PDP1: variants seen among roughly 807,000 people sequenced by gnomAD.
The protein encoded by PDP1 is pyruvate dehyrogenase phosphatase catalytic subunit 1.
Under a neutral mutation model 37.1 loss-of-function variants are expected in PDP1, and 14 were observed. The observed-to-expected ratio is 0.38, with a 90% CI of 0.25 to 0.59. The LOEUF (loss-of-function observed/expected upper bound fraction) is 0.59, where lower values mean the gene tolerates loss of function less well. Ranked by LOEUF, PDP1 falls within the 20% of genes least tolerant of loss-of-function variation. The pLI, the probability that PDP1 is intolerant of heterozygous loss-of-function variation, is 0.67. For missense variants in PDP1, 544 were observed against 655.3 expected, an observed-to-expected ratio of 0.83 and a Z score of 1.85; for synonymous variants, 251 against 243.3, an observed-to-expected ratio of 1.03 and a Z score of -0.29.
Position 93,924,050 on chromosome 8 carries a change from TCACA to T in PDP1, c.*379_*382del. 1 of 265,154 alleles carries T rather than the reference TCACA, an allele frequency of 3.8e-6. No individual in the cohort carries two copies. Among genetic ancestry groups the T allele is most frequent in the Non-Finnish European group, 7.9e-6 (1 of 126,850 alleles). The allele number at this position is 265,154 out of a possible 1,614,324, so 16.4% of individuals were successfully genotyped here. ...GGTTAAAGTGAAGAAACAGTACTGT[TCACA>T]CCTTTCTTCACTGAGATTCCAGTGT... On this transcript the variant is annotated 3_prime_UTR_variant, in exon 2 of 2. Transcript: ENST00000297598.
intron 1 of PDP1, among the ~76,000 whole-genome samples, chr8:93,919,621 C>T (rs961657059): frequency 2.0e-5 from 3 of 151,610 alleles, no homozygotes; most frequent in Admixed American, 6.6e-5. Flanking sequence ...CCCTCCCCCC[C>T]ACACAAATAG....
rs746369671 is a variant in PDP1, at chr8:93,923,638, T to C, written c.1579T>C (p.Ser527Pro). 1.2e-6 allele frequency: 2 copies of C among 1,614,050 alleles called. No individual in the cohort carries two copies. The highest frequency in any genetic ancestry group is 1.7e-6 in the Non-Finnish European group (2 of 1,179,996). ...TACAATCATTGTAGTTCAGTTCAAT[T>C]CTCATGTTGTAGGGGCGTATCAAAA... ...DITIIVVQFN[S>P]HVVGAYQNQE The change falls in exon 2 of 2, where the codon TCT becomes CCT. Residue 527 changes from serine to proline, a missense_variant. Ser to Pro is a moderately conservative substitution (Grantham distance 74, BLOSUM62 -1). Coordinates refer to ENST00000297598, the MANE Select transcript of PDP1 (RefSeq NM_018444.4). The surrounding 1 kb of genome is among the most constrained non-coding windows in gnomAD (Gnocchi z 4.3).
Position 93,922,248 on chromosome 8 carries a change from G to T in PDP1, c.189G>T (p.Trp63Cys). 1 of 1,614,192 alleles carries T rather than the reference G, an allele frequency of 6.2e-7. No individual in the cohort carries two copies. The highest frequency in any genetic ancestry group is 2.2e-5 in the East Asian group (1 of 44,884). The change falls in exon 2 of 2, where the codon TGG (tryptophan) becomes TGT (cysteine). Residue 63 changes from tryptophan (W) to cysteine (C), a missense_variant. Trp to Cys is a radical substitution (Grantham distance 215). Around this residue, in one of 5 missense-constraint regions of PDP1, gnomAD observed 342 missense variants for 414.0 expected, o/e 0.83. Coordinates refer to ENST00000297598, the MANE Select transcript of PDP1 (RefSeq NM_018444.4). This position sits in a 1 kb window ranked among gnomAD's most constrained non-coding sequence, Gnocchi z 4.0. Reference protein sequence around the residue: ...ATFCRPKENWWQYTQGRRYAS... With the variant: ...ATFCRPKENWCQYTQGRRYAS... ...TTTGCAGGCCAAAGGAGAACTGGTG[G>T]CAGTACACCCAAGGAAGGAGATATG...
chr8:93,920,692 A>G (rs1202870100), intron 1 of PDP1: 33 of 926,790 alleles, frequency 3.6e-5, no homozygotes, highest in Non-Finnish European at 3.9e-5. Context: ...CTATTATTTG[A>G]CTATACTGCT....
rs369447724 is a variant in PDP1 at position 93,923,287 on chromosome 8, G to T, written c.1228G>T (p.Asp410Tyr). 24 of 1,614,060 alleles carry T rather than the reference G, an allele frequency of 1.5e-5. No homozygotes were observed. The highest frequency in any genetic ancestry group is 1.7e-6 in the Non-Finnish European group (2 of 1,180,048). ...EVTYHRLRPQ[D>Y]KFLVLATDGL... The stretch of plus-strand genomic sequence containing the variant: ...AACTTACCACCGATTAAGGCCACAG[G>T]ATAAGTTTCTGGTGTTGGCTACTGA... The change falls in exon 2 of 2, where the codon GAT (aspartate) becomes TAT (tyrosine). Residue 410 changes from aspartate (D) to tyrosine (Y), a missense_variant. Asp to Tyr is a radical substitution (Grantham distance 160, BLOSUM62 -3). This residue lies in a region of PDP1 where 159 missense variants were observed against 165.5 expected (regional missense o/e 0.96). Transcript: ENST00000297598. This position sits in a 1 kb window ranked among gnomAD's most constrained non-coding sequence, Gnocchi z 4.3.
rs748108713 is a variant in PDP1, at chr8:93,923,030, G to A, written c.971G>A (p.Arg324Gln). 3 of 1,614,144 alleles carry A rather than the reference G, an allele frequency of 1.9e-6. No homozygotes were observed. Among genetic ancestry groups the A allele is most frequent in the South Asian group, 1.1e-5 (1 of 91,082 alleles). ...HNAQNERELE[R>Q]LKLEHPKSEA... ...GCTCAAAATGAAAGAGAACTAGAACGGCTGAAATTGGAACATCCAAAGAGT... is the reference window on the plus strand; with the variant it reads ...GCTCAAAATGAAAGAGAACTAGAACAGCTGAAATTGGAACATCCAAAGAGT... Residue 324 changes from arginine (R) to glutamine (Q), a missense_variant, in exon 2 of 2, where the codon CGG (arginine) becomes CAG (glutamine). By Grantham distance (43) the Arg-to-Gln change is conservative (BLOSUM62 1). Coordinates refer to ENST00000297598, the MANE Select transcript of PDP1 (RefSeq NM_018444.4). The surrounding 1 kb of genome is among the most constrained non-coding windows in gnomAD (Gnocchi z 4.3).
chr8:93,917,647 G>A lies in PDP1; in HGVS notation c.-45+568G>A, dbSNP rs982626206. The A allele has an allele frequency of 1.3e-4, 84 of 641,768 alleles. No individual in the cohort carries two copies. The Admixed American group carries it at 2.4e-3, about 18-fold the overall frequency. 39.8% of individuals were successfully genotyped at this position (641,768 alleles called of 1,614,324 possible). ...CCTGGGCCCCGCTGCCTTGGGCTGT[G>A]GCTTTGCCTCCCCGGCGGGGTGGGT... On this transcript the variant is annotated intron_variant, in intron 1 of 1. Transcript: ENST00000297598.
chr8:93,920,715 G>A, intron 1 of PDP1: 1 of 786,584 alleles, frequency 1.3e-6, no homozygotes, highest in Non-Finnish European at 1.5e-6. Flanking sequence ...CCTGGAGCAA[G>A]TAAATACCTT....
chr8:93,920,554 A>G, intron 1 of PDP1: 1 of 919,376 alleles, frequency 1.1e-6, no homozygotes, highest in Non-Finnish European at 1.3e-6. Flanking sequence ...AATTATCTAG[A>G]TTAATGATAT....
rs1810322200 is a variant in PDP1 at position 93,922,792 on chromosome 8, A to G, written c.733A>G (p.Asn245Asp). The change falls in exon 2 of 2, where the codon AAT becomes GAT. Residue 245 changes from asparagine to aspartate, a missense_variant. Transcript: ENST00000297598. This position sits in a 1 kb window ranked among gnomAD's most constrained non-coding sequence, Gnocchi z 4.0. ...ALINAFKRLD[N>D]DISLEAQVGD... ...AATTAATGCCTTCAAGAGGCTTGAT[A>G]ATGACATCTCCTTGGAGGCGCAAGT... 1 of 1,614,208 alleles carries G rather than the reference A, an allele frequency of 6.2e-7. No individual in the cohort carries two copies. The highest frequency in any genetic ancestry group is 8.5e-7 in the Non-Finnish European group (1 of 1,180,036).
At chr8:93,919,093 A>G in intron 1 of PDP1, 9 of 955,932 alleles carry the variant, frequency 9.4e-6, no homozygotes, top group Non-Finnish European at 1.1e-5. Context: ...TTTTAATCTC[A>G]AGAATTTTTG....
At chr8:93,917,808 C>T (rs757819671) in intron 1 of PDP1, 1 of 1,602,186 alleles carries the variant, frequency 6.2e-7, no homozygotes, top group African/African-American at 1.3e-5. Flanking sequence ...CCGCCGCCTC[C>T]TCTAATGAGC....
intron 1 of PDP1, among the ~76,000 whole-genome samples, chr8:93,918,347 A>G (rs1810153121): frequency 6.6e-6 from 1 of 152,324 alleles, no homozygotes; most frequent in Non-Finnish European, 1.5e-5. Context: ...TTTCATTTAC[A>G]TCAGAAGCTT....
In PDP1 at chr8:93,924,025, G is replaced by A. The variant is rs1810368996; in HGVS notation, c.*352G>A. 1.2e-5 allele frequency: 4 copies of A among 324,622 alleles called. No homozygotes were observed. Among genetic ancestry groups the A allele is most frequent in the South Asian group, 3.1e-5 (1 of 32,632 alleles). 20.1% of individuals were successfully genotyped at this position (324,622 alleles called of 1,614,324 possible). ...AGTATCTTGCTGTGTGTAGTCTCTT[G>A]GTTAAAGTGAAGAAACAGTACTGTT... On this transcript the variant is annotated 3_prime_UTR_variant, in exon 2 of 2. Coordinates refer to ENST00000297598, the MANE Select transcript of PDP1 (RefSeq NM_018444.4).
In PDP1 at chr8:93,923,534, T is replaced by C; in HGVS notation, c.1475T>C (p.Phe492Ser). Reference protein sequence around the residue: ...LIRHAVGNNEFGTVDHERLSK... With the variant: ...LIRHAVGNNESGTVDHERLSK... ...CGCCACGCTGTGGGCAACAACGAGTTTGGGACTGTTGATCATGAGCGCCTC... is the reference window on the plus strand; with the variant it reads ...CGCCACGCTGTGGGCAACAACGAGTCTGGGACTGTTGATCATGAGCGCCTC... Residue 492 changes from phenylalanine to serine, a missense_variant, in exon 2 of 2, where the codon TTT (phenylalanine) becomes TCT (serine). By Grantham distance (155) the Phe-to-Ser change is radical (BLOSUM62 -2). This residue lies in a region of PDP1 where 159 missense variants were observed against 165.5 expected (regional missense o/e 0.96). Transcript: ENST00000297598. This position sits in a 1 kb window ranked among gnomAD's most constrained non-coding sequence, Gnocchi z 4.3. The C allele has an allele frequency of 6.2e-7, 1 of 1,610,720 alleles. No homozygotes were observed. Among genetic ancestry groups the C allele is most frequent in the Non-Finnish European group, 8.5e-7 (1 of 1,177,016 alleles).
At position 93,923,051 on chromosome 8, in the gene PDP1, AGAGT is replaced by A; in HGVS notation, c.996_999del (p.Ser332ArgfsTer6). 6.2e-7 allele frequency: 1 copy of A among 1,614,226 alleles called. No individual in the cohort carries two copies. The highest frequency in any genetic ancestry group is 8.5e-7 in the Non-Finnish European group (1 of 1,180,044). ...GAACGGCTGAAATTGGAACATCCAA[AGAGT>A]GAGGCCAAGAGTGTCGTGAAACAGG... On this transcript the variant is annotated frameshift_variant, in exon 2 of 2. Coordinates refer to ENST00000297598, the MANE Select transcript of PDP1 (RefSeq NM_018444.4). LOFTEE classifies it high-confidence loss of function. This position sits in a 1 kb window ranked among gnomAD's most constrained non-coding sequence, Gnocchi z 4.3.
intron 1 of PDP1, chr8:93,917,805 C>T (rs1810127264): frequency 1.9e-6 from 3 of 1,598,560 alleles, no homozygotes; most frequent in Non-Finnish European, 2.6e-6. Flanking sequence ...CCGCCGCCGC[C>T]TCCTCTAATG....
At chr8:93,920,723 C>CT (rs201971679) in intron 1 of PDP1, 71,844 of 768,042 alleles carry the variant, frequency 0.094, 155 homozygotes, top group Non-Finnish European at 0.099. Context: ...AAGTAAATAC[C>CT]TTTTTTTTTT....
At chr8:93,920,788 C>T (rs1810244896) in intron 1 of PDP1, 3 of 706,714 alleles carry the variant, frequency 4.2e-6, no homozygotes, top group South Asian at 6.5e-5. Context: ...TTTTAATTTA[C>T]AATTGACACA....
Sources: gnomAD v4.1 joint callset for allele counts (sites outside exome capture counted in the v4.1 genomes callset) on GRCh38, gnomAD v4.1.1 for gene constraint, gnomAD v4.1.1 regional missense constraint, Gnocchi (gnomAD v3.1) non-coding constraint, MANE v1.5 for transcripts, NCBI Gene and HGNC (gene_info 2026-07-23, HGNC 2026-07-21) for gene names.